PDE11A: variants seen among roughly 807,000 people sequenced by gnomAD.
PDE11A encodes phosphodiesterase 11A.
A neutral mutation model predicts 100.5 loss-of-function variants in PDE11A; 100 were observed. The ratio of observed to expected loss-of-function variants is 1.00; its 90% CI spans 0.85 to 1.18. The LOEUF (loss-of-function observed/expected upper bound fraction) is 1.18. PDE11A is among the 50% of genes most tolerant of loss of function. The pLI is 0.00. For synonymous variants in PDE11A, 381 were observed against 420.8 expected (o/e 0.91, Z 1.16); for missense variants, 1,141 against 1,152.6 (o/e 0.99, Z 0.15).
At chr2:177,867,842 A>C (rs2084056961) in intron 5 of PDE11A, among the ~76,000 whole-genome samples, 1 of 152,246 alleles carries the variant, frequency 6.6e-6, no homozygotes, top group Non-Finnish European at 1.5e-5. Flanking sequence ...GTCTCTTCCA[A>C]GTTTATTCCT....
intron 10 of PDE11A, among the ~76,000 whole-genome samples, chr2:177,762,594 T>G (rs1404454527): frequency 1.3e-5 from 2 of 152,138 alleles, no homozygotes; most frequent in East Asian, 1.9e-4. Flanking sequence ...AGCCCTCCTT[T>G]GTTTCACTGC....
intron 9 of PDE11A, among the ~76,000 whole-genome samples, chr2:177,770,535 C>T (rs1286859065): frequency 1.4e-5 from 2 of 145,052 alleles, no homozygotes; most frequent in South Asian, 2.2e-4. Flanking sequence ...GTGGGAGTGT[C>T]GGCGCTGCTT....
intron 2 of PDE11A, among the ~76,000 whole-genome samples, chr2:177,910,762 C>T (rs185112660): frequency 1.3e-5 from 2 of 152,244 alleles, no homozygotes; most frequent in African/African-American, 4.8e-5. Flanking sequence ...CACTAATATG[C>T]ATAGAATTTG....
At chr2:178,065,468 G>A (rs979305664) in intron 1 of PDE11A, among the ~76,000 whole-genome samples, 1 of 152,304 alleles carries the variant, frequency 6.6e-6, no homozygotes, top group Non-Finnish European at 1.5e-5. Flanking sequence ...ACATGATTCT[G>A]TAGGAACTGT....
At position 177,629,331 on chromosome 2, in the gene PDE11A, CA is replaced by C; in HGVS notation, c.*75del. The C allele has an allele frequency of 7.6e-7, 1 of 1,311,992 alleles. No homozygotes were observed. The highest frequency in any genetic ancestry group is 1.1e-6 in the Non-Finnish European group (1 of 905,442). The allele number at this position is 1,311,992 out of a possible 1,614,324, so 81.3% of individuals were successfully genotyped here. On this transcript the variant is annotated 3_prime_UTR_variant, in exon 20 of 20. Coordinates refer to ENST00000286063, the MANE Select transcript of PDE11A (RefSeq NM_016953.4). ...GTTAGGTCTTTCTGAGCTAAAAGAA[CA>C]AAAGGATGACATTGCTGGACTGAAA...
chr2:177,889,149 T>C (rs573089691), intron 4 of PDE11A, among the ~76,000 whole-genome samples: 1 of 152,304 alleles, frequency 6.6e-6, no homozygotes, highest in Admixed American at 6.5e-5. Flanking sequence ...TGTGTAATTG[T>C]CTATGAGTTT....
chr2:177,833,761 C>A (rs2083346914), intron 6 of PDE11A, among the ~76,000 whole-genome samples: 1 of 152,132 alleles, frequency 6.6e-6, no homozygotes, highest in South Asian at 2.1e-4. Flanking sequence ...AGCCACTGAG[C>A]TATTGAGAAA....
intron 2 of PDE11A, among the ~76,000 whole-genome samples, chr2:178,102,703 T>G (rs1232921130): frequency 6.6e-6 from 1 of 152,154 alleles, no homozygotes; most frequent in Non-Finnish European, 1.5e-5. Flanking sequence ...GGATTACATG[T>G]GTGTGCCACC....
intron 2 of PDE11A, among the ~76,000 whole-genome samples, chr2:177,994,834 C>A (rs1461409820): frequency 2.6e-5 from 4 of 150,964 alleles, no homozygotes; most frequent in East Asian, 2.0e-4. Context: ...AAAAGAAATT[C>A]ATTTCAAAAG....
chr2:177,646,106 A>T (rs758431898), intron 19 of PDE11A, among the ~76,000 whole-genome samples: 15 of 152,262 alleles, frequency 9.9e-5, no homozygotes, highest in Non-Finnish European at 4.4e-5. Flanking sequence ...TTTTTGGATT[A>T]ACTGCATTGT....
intron 19 of PDE11A, among the ~76,000 whole-genome samples, chr2:177,657,532 A>G (rs950874519): frequency 3.3e-5 from 5 of 152,206 alleles, no homozygotes; most frequent in Non-Finnish European, 7.3e-5. Flanking sequence ...GTTTTACTAC[A>G]AAGCTCTAGC....
At chr2:177,969,324 T>C (rs1447796969) in intron 2 of PDE11A, among the ~76,000 whole-genome samples, 2 of 152,068 alleles carry the variant, frequency 1.3e-5, no homozygotes, top group African/African-American at 2.4e-5. Context: ...CATGTGGGGC[T>C]GAAAACCTAG....
chr2:177,955,426 T>C (rs2085549532), intron 2 of PDE11A, among the ~76,000 whole-genome samples: 1 of 152,172 alleles, frequency 6.6e-6, no homozygotes, highest in Non-Finnish European at 1.5e-5. Flanking sequence ...TCATGAGTGA[T>C]AAAAGATGAA....
Position 177,728,139 on chromosome 2 carries a change from T to C in PDE11A, c.1822A>G (p.Ile608Val). 1.2e-6 allele frequency: 2 copies of C among 1,613,292 alleles called. No homozygotes were observed. The highest frequency in any genetic ancestry group is 1.7e-6 in the Non-Finnish European group (2 of 1,179,438). The change falls in exon 11 of 20, where the codon ATC becomes GTC. Residue 608 changes from isoleucine (I) to valine (V), a missense_variant. Physicochemically the swap from Ile to Val is conservative, Grantham distance 29 (BLOSUM62 3). Transcript: ENST00000286063. Reference sequence around the variant, plus strand: ...AAGTCATCAAAATGAATGTCATCGATGGCAAGTTCTGACACCAGAGGGATG... The same window carrying C: ...AAGTCATCAAAATGAATGTCATCGACGGCAAGTTCTGACACCAGAGGGATG... ...ANIPLVSELA[I>V]DDIHFDDFSL... is the part of the protein sequence containing the mutation.
At chr2:177,760,929 G>C (rs1304291210) in intron 10 of PDE11A, among the ~76,000 whole-genome samples, 1 of 152,102 alleles carries the variant, frequency 6.6e-6, no homozygotes, top group Non-Finnish European at 1.5e-5. Context: ...AGCCAAACCA[G>C]AGCATGATTT....
At chr2:177,925,708 G>A (rs2085116440) in intron 2 of PDE11A, among the ~76,000 whole-genome samples, 1 of 152,172 alleles carries the variant, frequency 6.6e-6, no homozygotes. Flanking sequence ...AGCTTACAAG[G>A]CAGGCGTGGG....
At chr2:177,850,689 GA>G in intron 5 of PDE11A, among the ~76,000 whole-genome samples, 1 of 151,952 alleles carries the variant, frequency 6.6e-6, no homozygotes. Context: ...AAATTTACAA[GA>G]AAAAAACAAA....
intron 6 of PDE11A, among the ~76,000 whole-genome samples, chr2:177,829,762 A>C (rs1394680413): frequency 5.3e-5 from 8 of 151,952 alleles, no homozygotes; most frequent in Non-Finnish European, 7.4e-5. Flanking sequence ...TATAATAAGC[A>C]AAATTCTAAG....
At chr2:178,053,897 G>C (rs796313374) in intron 1 of PDE11A, among the ~76,000 whole-genome samples, 1 of 152,194 alleles carries the variant, frequency 6.6e-6, no homozygotes, top group East Asian at 1.9e-4. Flanking sequence ...CCATGCTCAT[G>C]GATAGGGAGA....
Sources: gnomAD v4.1 joint callset for allele counts (sites outside exome capture counted in the v4.1 genomes callset) on GRCh38, gnomAD v4.1.1 for gene constraint, MANE v1.5 for transcripts, NCBI Gene and HGNC (gene_info 2026-07-23, HGNC 2026-07-21) for gene names.